METTL25: variants seen among roughly 807,000 people sequenced by gnomAD.
The protein encoded by METTL25 is probable methyltransferase-like protein 25.
METTL25 carries 64 observed loss-of-function variants against 71.6 expected under a neutral mutation model. The observed-to-expected ratio is 0.89, with a 90% CI of 0.73 to 1.10. The LOEUF (loss-of-function observed/expected upper bound fraction) is 1.10, where lower values mean the gene tolerates loss of function less well. Ranked by LOEUF, METTL25 falls within the 50% of genes least tolerant of loss-of-function variation. The pLI, the probability that METTL25 is intolerant of heterozygous loss-of-function variation, is 0.00. For synonymous variants in METTL25, 287 were observed against 250.3 expected, an observed-to-expected ratio of 1.15 and a Z score of -1.38; for missense variants, 807 against 707.0, an observed-to-expected ratio of 1.14 and a Z score of -1.60.
At chr12:82,433,106 A>G (rs186331795) in intron 6 of METTL25, among the ~76,000 whole-genome samples, 95 of 151,774 alleles carry the variant, frequency 6.3e-4, no homozygotes, top group African/African-American at 2.2e-3. Context: ...AACACTTTGT[A>G]ACCACCTACC....
At chr12:82,407,923 G>GT in intron 5 of METTL25, 1 of 984,658 alleles carries the variant, frequency 1.0e-6, no homozygotes, top group South Asian at 4.7e-5. Context: ...TTTTCTCACT[G>GT]TATCTTTGCT....
intron 1 of METTL25, 21 bp downstream of exon 1, chr12:82,358,845 G>C: frequency 6.3e-7 from 1 of 1,585,604 alleles, no homozygotes; most frequent in South Asian, 1.1e-5. Flanking sequence ...GGGTAGGCGG[G>C]GCGGGAAGGG....
intron 3 of METTL25, among the ~76,000 whole-genome samples, chr12:82,394,814 C>T (rs906413453): frequency 4.6e-5 from 7 of 151,798 alleles, no homozygotes; most frequent in African/African-American, 1.7e-4. Flanking sequence ...TCAAGTAAGA[C>T]CTCATTGTAA....
chr12:82,381,841 A>G (rs1476601711), intron 1 of METTL25, among the ~76,000 whole-genome samples: 1 of 152,252 alleles, frequency 6.6e-6, no homozygotes, highest in African/African-American at 2.4e-5. Flanking sequence ...AACTCAACCT[A>G]TTGAGCATTG....
Position 82,363,948 on chromosome 12 carries a change from C to T in METTL25, c.259+5124C>T, listed in dbSNP as rs540872089. On this transcript the variant is annotated intron_variant, in intron 1 of 11. Coordinates refer to ENST00000248306, the MANE Select transcript of METTL25 (RefSeq NM_032230.3). ...ATGTTTAAAGAGCTCCAAGAAAATA[C>T]ACTGGGAGAATTAAAGGAAACTATG... is the stretch of plus-strand genomic sequence containing the variant. Among the ~76,000 whole-genome samples the T allele has an allele frequency of 3.0e-4, 45 of 152,262 alleles. 1 individual carries two copies. Among genetic ancestry groups the T allele is most frequent in the African/African-American group, 1.1e-3 (45 of 41,552 alleles).
At chr12:82,384,136 G>T (rs1592619924) in intron 1 of METTL25, among the ~76,000 whole-genome samples, 1 of 152,128 alleles carries the variant, frequency 6.6e-6, no homozygotes, top group Admixed American at 6.6e-5. Context: ...CATATAATAT[G>T]CAGGTGCGAT....
chr12:82,444,992 G>C (rs984969682), intron 8 of METTL25, among the ~76,000 whole-genome samples: 4 of 152,148 alleles, frequency 2.6e-5, no homozygotes, highest in African/African-American at 9.6e-5. Flanking sequence ...AATATTAACA[G>C]CAAAGTGTAT....
intron 1 of METTL25, among the ~76,000 whole-genome samples, chr12:82,360,375 A>T (rs1473365299): frequency 6.6e-6 from 1 of 152,104 alleles, no homozygotes; most frequent in Non-Finnish European, 1.5e-5. Context: ...GATTTGTGGA[A>T]TTATAACTTG....
intron 9 of METTL25, among the ~76,000 whole-genome samples, chr12:82,457,737 G>A (rs1825578984): frequency 6.6e-6 from 1 of 151,930 alleles, no homozygotes; most frequent in South Asian, 2.1e-4. Flanking sequence ...TAATCCCTTT[G>A]TATGTACTAT....
At chr12:82,360,602 G>A (rs190347561) in intron 1 of METTL25, among the ~76,000 whole-genome samples, 8 of 152,170 alleles carry the variant, frequency 5.3e-5, no homozygotes, top group South Asian at 4.1e-4. Flanking sequence ...GAAAAAAACC[G>A]AGCCATGAAG....
chr12:82,386,847 T>C lies in METTL25; in HGVS notation c.304T>C (p.Leu102=). 1 of 1,613,412 alleles carries C rather than the reference T, an allele frequency of 6.2e-7. No individual in the cohort carries two copies. Among genetic ancestry groups the C allele is most frequent in the Non-Finnish European group, 8.5e-7 (1 of 1,179,622 alleles). ...AATATTTTGTGAAACTTCTCAGAAG[T>C]TGGTGAGTGTGGAAGCCTTTGCTCT... ...PKIFCETSQK[L]VSVEAFALAA... is the part of the protein sequence containing the mutation. Residue 102 remains leucine, a synonymous_variant, in exon 2 of 12, where the codon TTG becomes CTG. Transcript: ENST00000248306.
At chr12:82,372,957 A>G (rs1565804009) in intron 1 of METTL25, among the ~76,000 whole-genome samples, 1 of 152,166 alleles carries the variant, frequency 6.6e-6, no homozygotes, top group African/African-American at 2.4e-5. Context: ...CAGAAACACT[A>G]GTTTTCCTTC....
chr12:82,444,537 G>A (rs999804855), intron 8 of METTL25, among the ~76,000 whole-genome samples: 3 of 152,172 alleles, frequency 2.0e-5, no homozygotes, highest in South Asian at 2.1e-4. Flanking sequence ...GATACGCCAC[G>A]CAATTCATAT....
intron 5 of METTL25, among the ~76,000 whole-genome samples, chr12:82,408,387 G>A (rs1457848515): frequency 4.6e-5 from 7 of 152,000 alleles, no homozygotes. Flanking sequence ...AGTCCTTGAA[G>A]TATAGAGGTC....
chr12:82,470,857 C>T (rs1337724538), intron 9 of METTL25, among the ~76,000 whole-genome samples: 2 of 152,008 alleles, frequency 1.3e-5, no homozygotes, highest in Admixed American at 1.3e-4. Flanking sequence ...TATAGATTTG[C>T]GAGGGCTAGG....
chr12:82,410,423 G>A (rs1887467394), intron 5 of METTL25, among the ~76,000 whole-genome samples: 1 of 152,016 alleles, frequency 6.6e-6, no homozygotes, highest in African/African-American at 2.4e-5. Context: ...ACTATTTACT[G>A]CTATGGGCTT....
intron 10 of METTL25, 50 bp downstream of exon 10, chr12:82,476,768 A>G: frequency 1.7e-6 from 2 of 1,178,556 alleles, no homozygotes; most frequent in Non-Finnish European, 2.4e-6. Context: ...CTAGACTTGA[A>G]TAGGGTCCTA....
At chr12:82,468,196 A>G (rs1033799516) in intron 9 of METTL25, among the ~76,000 whole-genome samples, 2 of 152,110 alleles carry the variant, frequency 1.3e-5, no homozygotes, top group Non-Finnish European at 2.9e-5. Flanking sequence ...TCCACTAATA[A>G]TCTCCCTATA....
rs143534674 is a variant in METTL25, at chr12:82,363,828, G to A, written c.259+5004G>A. Among the ~76,000 whole-genome samples, 251 of 151,954 alleles carry A rather than the reference G, an allele frequency of 1.7e-3. 1 individual carries two copies. The highest frequency in any genetic ancestry group is 5.9e-3 in the African/African-American group (244 of 41,476). On this transcript the variant is annotated intron_variant, in intron 1 of 11. Transcript: ENST00000248306. ...TAGTACCTATGATGAAAGAATTGAA[G>A]GATAGTGTGACCCGTATTTAGGAAA...
Sources: gnomAD v4.1 joint callset for allele counts (sites outside exome capture counted in the v4.1 genomes callset) on GRCh38, gnomAD v4.1.1 for gene constraint, MANE v1.5 for transcripts, NCBI Gene and HGNC (gene_info 2026-07-23, HGNC 2026-07-21) for gene names.